Variants in HCFC2 observed in about 807,000 individuals in gnomAD.
HCFC2 encodes the protein host cell factor 2.
In HCFC2, 18 loss-of-function variants were observed where a neutral mutation model predicts 89.2. The observed-to-expected ratio is 0.20, with a 90% CI of 0.14 to 0.30. The LOEUF (loss-of-function observed/expected upper bound fraction) is 0.30. Among genes scored for constraint, HCFC2 ranks in the 10% least tolerant of loss-of-function variants. HCFC2 has a pLI of 1.00. For missense variants in HCFC2, 578 were observed against 956.1 expected (o/e 0.60, Z 5.21); for synonymous variants, 308 against 335.7 (o/e 0.92, Z 0.90).
At position 104,064,817 on chromosome 12, in the gene HCFC2, G is replaced by T. The variant is rs1883010839; in HGVS notation, c.163+94G>T. ...GGCCGCGGCCCTGACAGCTGTCACC[G>T]CCCGGTCACTGCTTCCTTGGGCGGG... On this transcript the variant is annotated intron_variant, in intron 1 of 14. Coordinates refer to ENST00000229330, the MANE Select transcript of HCFC2 (RefSeq NM_013320.3). The surrounding 1 kb of genome is among the most constrained non-coding windows in gnomAD (Gnocchi z 7.3). The T allele has an allele frequency of 8.4e-7, 1 of 1,183,498 alleles. No homozygotes were observed. The allele number at this position is 1,183,498 out of a possible 1,614,324, so 73.3% of individuals were successfully genotyped here.
chr12:104,103,582 C>T lies in HCFC2; in HGVS notation c.*309C>T. On this transcript the variant is annotated 3_prime_UTR_variant, in exon 15 of 15. Transcript: ENST00000229330. ...ATATCTTTTATAAGGGCTGTGTAAC[C>T]CAGTCATCCTAGAGTTATTGAGATG... 3.5e-6 allele frequency: 1 copy of T among 286,434 alleles called. No individual in the cohort carries two copies. The highest frequency in any genetic ancestry group is 2.2e-5 in the African/African-American group (1 of 45,394). 17.7% of individuals were successfully genotyped at this position (286,434 alleles called of 1,614,324 possible). A position where few individuals can be genotyped will look rare whatever the true frequency, so the allele number is the denominator to read the frequency against.
chr12:104,074,353 T>G lies in HCFC2; in HGVS notation c.474-5092T>G, dbSNP rs575740897. ...CTTTTTCTTTTTCATAGAGACAAGG[T>G]CTTTCCGTGTTGCCCAGGCTGGTCT... On this transcript the variant is annotated intron_variant, in intron 3 of 14. Coordinates refer to ENST00000229330, the MANE Select transcript of HCFC2 (RefSeq NM_013320.3). 8.7e-4 allele frequency among the ~76,000 whole-genome samples: 133 copies of G among 152,212 alleles called. No homozygotes were observed. The Middle Eastern group carries it at 0.017, about 19-fold the overall frequency.
Position 104,103,025 on chromosome 12 carries a change from T to G in HCFC2, c.2131T>G (p.Ser711Ala), listed in dbSNP as rs375511576. Reference protein sequence around the residue: ...TSPSGNILEYSAYLAIRTAQI... With the variant: ...TSPSGNILEYAAYLAIRTAQI... ...ACCTTCTGGAAATATTTTGGAATAT[T>G]CAGCCTACTTGGCTATCCGCACAGC... The change falls in exon 15 of 15, where the codon TCA becomes GCA. Residue 711 changes from serine to alanine, a missense_variant. This residue lies in a region of HCFC2 where 140 missense variants were observed against 266.4 expected (regional missense o/e 0.53). Transcript: ENST00000229330. 2.3e-4 allele frequency: 379 copies of G among 1,613,910 alleles called. No individual in the cohort carries two copies. The highest frequency in any genetic ancestry group is 2.9e-4 in the Non-Finnish European group (346 of 1,179,928).
At position 104,095,272 on chromosome 12, in the gene HCFC2, G is replaced by A. The variant is rs1224849012; in HGVS notation, c.1463-88G>A. 3 of 985,882 alleles carry A rather than the reference G, an allele frequency of 3.0e-6. No individual in the cohort carries two copies. The highest frequency in any genetic ancestry group is 4.6e-6 in the Non-Finnish European group (3 of 650,196). 61.1% of individuals were successfully genotyped at this position (985,882 alleles called of 1,614,324 possible). On this transcript the variant is annotated intron_variant, in intron 10 of 14. Coordinates refer to ENST00000229330, the MANE Select transcript of HCFC2 (RefSeq NM_013320.3). This position sits in a 1 kb window ranked among gnomAD's most constrained non-coding sequence, Gnocchi z 4.2. Reference sequence around the variant, plus strand: ...CTCATGTATGATTTTAAAACTGAAAGTACCAAGAATCATATGACAAGAACG... The same window carrying A: ...CTCATGTATGATTTTAAAACTGAAAATACCAAGAATCATATGACAAGAACG...
At chr12:104,100,891 A>G (rs2029918226) in intron 13 of HCFC2, among the ~76,000 whole-genome samples, 1 of 152,168 alleles carries the variant, frequency 6.6e-6, no homozygotes, top group Non-Finnish European at 1.5e-5. Flanking sequence ...AAAGAAAAAA[A>G]TAGCCTAAAA....
At chr12:104,093,365 A>T in intron 9 of HCFC2, 21 bp from the exon 10 acceptor site, 2 of 1,563,394 alleles carry the variant, frequency 1.3e-6, no homozygotes, top group Non-Finnish European at 1.7e-6. Flanking sequence ...TTACTACAGT[A>T]ATCTGTTATA....
chr12:104,087,466 C>CAT (rs10548496), intron 8 of HCFC2, among the ~76,000 whole-genome samples: 21 of 139,472 alleles, frequency 1.5e-4, no homozygotes, highest in African/African-American at 4.8e-4. Context: ...TATATATATA[C>CAT]ATATATATAT....
rs763363256 is a variant in HCFC2 at position 104,095,499 on chromosome 12, C to T, written c.1602C>T (p.Ser534=). 1 of 1,613,650 alleles carries T rather than the reference C, an allele frequency of 6.2e-7. No homozygotes were observed. The change falls in exon 11 of 15, where the codon TCC becomes TCT. Residue 534 remains serine (S), a synonymous_variant. Transcript: ENST00000229330. The surrounding 1 kb of genome is among the most constrained non-coding windows in gnomAD (Gnocchi z 4.2). ...VTQQTIKTES[S]STNGAVVKDE... ...AGCAGACCATTAAAACTGAATCATC[C>T]AGTACAAATGGGGCAGTTGTTAAAG... is the stretch of plus-strand genomic sequence containing the variant.
intron 10 of HCFC2, among the ~76,000 whole-genome samples, chr12:104,094,534 A>C (rs1177890810): frequency 6.6e-6 from 1 of 152,162 alleles, no homozygotes; most frequent in African/African-American, 2.4e-5. Context: ...CGTCATAGGA[A>C]AAAAAATAGC....
Position 104,104,219 on chromosome 12 carries a change from T to C in HCFC2, c.*946T>C, listed in dbSNP as rs929276880. On this transcript the variant is annotated 3_prime_UTR_variant, in exon 15 of 15. Transcript: ENST00000229330. ...CCTTAACAGGACACAAGTTTTAAAA[T>C]AGTGTTTTAAACATTTGTAAGATTT... 1.3e-5 allele frequency: 2 copies of C among 152,066 alleles called. No individual in the cohort carries two copies. Among genetic ancestry groups the C allele is most frequent in the Admixed American group, 6.6e-5 (1 of 15,266 alleles). The allele number at this position is 152,066 out of a possible 1,614,324, so 9.4% of individuals were successfully genotyped here. A position where few individuals can be genotyped will look rare whatever the true frequency, so the allele number is the denominator to read the frequency against.
intron 8 of HCFC2, among the ~76,000 whole-genome samples, chr12:104,087,464 T>G (rs1883894883): frequency 1.7e-4 from 1 of 5,764 alleles, no homozygotes; most frequent in Non-Finnish European, 4.2e-4. Context: ...TATATATATA[T>G]ACATATATAT....
intron 9 of HCFC2, among the ~76,000 whole-genome samples, chr12:104,088,383 T>G (rs1883927760): frequency 6.6e-6 from 1 of 152,276 alleles, no homozygotes; most frequent in African/African-American, 2.4e-5. Context: ...ATGTGTTTAT[T>G]ATTTTGCCAT....
Position 104,064,554 on chromosome 12 carries a change from TG to T in HCFC2, c.-4del. 1 of 1,505,898 alleles carries T rather than the reference TG, an allele frequency of 6.6e-7. No homozygotes were observed. The highest frequency in any genetic ancestry group is 2.3e-5 in the Admixed American group (1 of 44,308). The allele number at this position is 1,505,898 out of a possible 1,614,324, so 93.3% of individuals were successfully genotyped here. A position where few individuals can be genotyped will look rare whatever the true frequency, so the allele number is the denominator to read the frequency against. On this transcript the variant is annotated 5_prime_UTR_variant, in exon 1 of 15. Transcript: ENST00000229330. The surrounding 1 kb of genome is among the most constrained non-coding windows in gnomAD (Gnocchi z 7.3). ...GCATTGTGGGCAGAGGGGCGGGGGT[TG>T]GGAAGATGGCGGCTCCCAGCCTCCT... is the stretch of plus-strand genomic sequence containing the variant.
At chr12:104,083,650 G>A (rs1416542189) in intron 7 of HCFC2, among the ~76,000 whole-genome samples, 4 of 152,118 alleles carry the variant, frequency 2.6e-5, no homozygotes, top group African/African-American at 7.2e-5. Flanking sequence ...GAAAGCTGGG[G>A]TCAGGGGGTT....
chr12:104,101,723 A>G (rs1446974463), intron 13 of HCFC2, among the ~76,000 whole-genome samples: 1 of 152,130 alleles, frequency 6.6e-6, no homozygotes, highest in Non-Finnish European at 1.5e-5. Flanking sequence ...TTCTCTGTGT[A>G]ATCAGTGATT....
At chr12:104,086,605 T>C (rs1159120417) in intron 7 of HCFC2, among the ~76,000 whole-genome samples, 1 of 140,352 alleles carries the variant, frequency 7.1e-6, no homozygotes, top group Non-Finnish European at 1.5e-5. Flanking sequence ...TGTTTATAGA[T>C]ATATTTGTCT....
At chr12:104,066,846 C>T (rs765754251) in intron 2 of HCFC2, among the ~76,000 whole-genome samples, 21 of 152,166 alleles carry the variant, frequency 1.4e-4, no homozygotes, top group Non-Finnish European at 2.6e-4. Context: ...GGACTGCAGC[C>T]GCGCAATCTC....
chr12:104,075,155 A>C (rs1379770969), intron 3 of HCFC2, among the ~76,000 whole-genome samples: 1 of 151,764 alleles, frequency 6.6e-6, no homozygotes, highest in Non-Finnish European at 1.5e-5. Context: ...AGGAGTTTAA[A>C]TCTAGCCTGG....
intron 3 of HCFC2, among the ~76,000 whole-genome samples, chr12:104,070,801 C>CTTTTTTTT (rs35437369): frequency 8.0e-5 from 10 of 125,006 alleles, no homozygotes; most frequent in South Asian, 2.7e-4. Flanking sequence ...ATACTTTTTA[C>CTTTTTTTT]TTTTTTTTTT....
Sources: gnomAD v4.1 joint callset for allele counts (sites outside exome capture counted in the v4.1 genomes callset) on GRCh38, gnomAD v4.1.1 for gene constraint, gnomAD v4.1.1 regional missense constraint, Gnocchi (gnomAD v3.1) non-coding constraint, MANE v1.5 for transcripts, NCBI Gene and HGNC (gene_info 2026-07-23, HGNC 2026-07-21) for gene names.